Variants in TSGA10IP observed in about 807,000 individuals in gnomAD.
TSGA10IP encodes testis specific 10 interacting protein, also known as testis-specific protein 10-interacting protein.
A neutral mutation model predicts 63.2 loss-of-function variants in TSGA10IP; 64 were observed. That is an observed-to-expected ratio of 1.01 (90% CI 0.83 to 1.25). The LOEUF is 1.25. TSGA10IP is among the 50% of genes most tolerant of loss of function. The pLI is 0.00. For synonymous variants in TSGA10IP, 316 were observed against 298.3 expected, an observed-to-expected ratio of 1.06 and a Z score of -0.61; for missense variants, 681 against 710.1, an observed-to-expected ratio of 0.96 and a Z score of 0.47.
At chr11:65,945,992 G>A in intron 1 of TSGA10IP, 170 bp downstream of exon 1, 1 of 719,870 alleles carries the variant, frequency 1.4e-6, no homozygotes, top group Non-Finnish European at 2.2e-6. Flanking sequence ...GGCCTTGGGA[G>A]AAGCCGAGGG....
rs540775374 is a variant in TSGA10IP, at chr11:65,956,130, T to C, written c.1322+2393T>C. On this transcript the variant is annotated intron_variant, in intron 5 of 7. Transcript: ENST00000532620. ...GTTCTTATCACCTACTCTTTGAGGC[T>C]CAGTCTTTTTTTTTTTTTTTTTTTG... Among the ~76,000 whole-genome samples the C allele has an allele frequency of 6.6e-3, 917 of 138,636 alleles. 4 individuals carry two copies. Among genetic ancestry groups the C allele is most frequent in the African/African-American group, 0.022 (838 of 38,360 alleles). 91.0% of individuals were successfully genotyped at this position (138,636 alleles called of 152,430 possible). A position where few individuals can be genotyped will look rare whatever the true frequency, so the allele number is the denominator to read the frequency against.
At chr11:65,956,308 T>C (rs1855023888) in intron 5 of TSGA10IP, among the ~76,000 whole-genome samples, 1 of 151,842 alleles carries the variant, frequency 6.6e-6, no homozygotes, top group South Asian at 2.1e-4. Flanking sequence ...CGGCTAATTT[T>C]GTATTTTTAG....
rs750232727 is a variant in TSGA10IP, at chr11:65,953,624, G to T, written c.1209G>T (p.Leu403=). ...AGGAGGAGCGGCAGCAGGCCGAGCT[G>T]CGGCGGGCCCGGACACAGCATGTAC... The change falls in exon 5 of 8, where the codon CTG becomes CTT. Residue 403 remains leucine (L), a synonymous_variant. Coordinates refer to ENST00000532620, the Ensembl canonical transcript of TSGA10IP. 3 of 1,587,834 alleles carry T rather than the reference G, an allele frequency of 1.9e-6. No homozygotes were observed. In the East Asian group the frequency reaches 7.1e-5, roughly 38 times the overall value.
chr11:65,947,157 C>T, exon 3 of TSGA10IP: 1 of 1,611,306 alleles, frequency 6.2e-7, no homozygotes. Flanking sequence ...TTCCAGTGGG[C>T]CTGGGAGAGC....
chr11:65,954,782 C>T (rs1854997702), intron 5 of TSGA10IP, among the ~76,000 whole-genome samples: 1 of 149,928 alleles, frequency 6.7e-6, no homozygotes, highest in South Asian at 2.1e-4. Flanking sequence ...TGAGCCACTA[C>T]ACTCCAGCCT....
At chr11:65,959,018 C>A in intron 6 of TSGA10IP, 36 bp downstream of exon 6, 1 of 1,603,696 alleles carries the variant, frequency 6.2e-7, no homozygotes, top group South Asian at 1.1e-5. Flanking sequence ...ATAGCTGCCC[C>A]CTGTGAAGAG....
chr11:65,952,862 G>GT (rs1854963789), intron 4 of TSGA10IP, among the ~76,000 whole-genome samples: 1 of 151,488 alleles, frequency 6.6e-6, no homozygotes, highest in Admixed American at 6.6e-5. Context: ...GCTGTTTGGA[G>GT]TATTTTGTGG....
exon 4 of TSGA10IP, chr11:65,948,003 C>T: frequency 6.4e-7 from 1 of 1,558,978 alleles, no homozygotes; most frequent in Non-Finnish European, 8.7e-7. Flanking sequence ...GTGGGCAGGC[C>T]CCCAAAAGCT....
At chr11:65,959,145 C>G (rs756126008) in intron 6 of TSGA10IP, 45 bp from the exon 7 acceptor site, 2 of 1,590,118 alleles carry the variant, frequency 1.3e-6, no homozygotes, top group Non-Finnish European at 8.6e-7. Flanking sequence ...ACCTTGCCCT[C>G]GGCAGCCCTG....
In TSGA10IP at chr11:65,945,651, C is replaced by T. The variant is rs528218242; in HGVS notation, c.-25C>T. 31 of 1,609,240 alleles carry T rather than the reference C, an allele frequency of 1.9e-5. No homozygotes were observed. In the East Asian group the frequency reaches 2.9e-4, roughly 15 times the overall value. On this transcript the variant is annotated 5_prime_UTR_variant, in exon 1 of 8. It adds an upstream start codon to the 5' untranslated region. Transcript: ENST00000532620. ...AGAGATGGCCTGTTAGGCAGTTCTACGGTGCGGATGGGGGATGGGGCAGGA... is the reference window on the plus strand; with the variant it reads ...AGAGATGGCCTGTTAGGCAGTTCTATGGTGCGGATGGGGGATGGGGCAGGA...
intron 5 of TSGA10IP, among the ~76,000 whole-genome samples, chr11:65,957,335 G>A (rs1397249364): frequency 6.6e-6 from 1 of 152,130 alleles, no homozygotes; most frequent in Non-Finnish European, 1.5e-5. Flanking sequence ...ATTTTTAGTA[G>A]AGACAGGGTT....
chr11:65,951,553 T>TATTA, intron 4 of TSGA10IP, among the ~76,000 whole-genome samples: 5 of 148,810 alleles, frequency 3.4e-5, no homozygotes, highest in Non-Finnish European at 4.5e-5. Flanking sequence ...TTATTATTAT[T>TATTA]TTGAGATGGA....
intron 4 of TSGA10IP, among the ~76,000 whole-genome samples, chr11:65,950,560 A>AT (rs35025045): frequency 0.064 from 9,149 of 141,898 alleles, 837 homozygotes; most frequent in African/African-American, 0.21. Flanking sequence ...TGCCTGGCTA[A>AT]TTTTTTTTTT....
intron 5 of TSGA10IP, among the ~76,000 whole-genome samples, chr11:65,955,896 G>T (rs1855015952): frequency 6.6e-6 from 1 of 152,206 alleles, no homozygotes; most frequent in Admixed American, 6.5e-5. Context: ...TAGACGAAAG[G>T]CACCAGGACC....
At chr11:65,952,250 A>T (rs1854955863) in intron 4 of TSGA10IP, among the ~76,000 whole-genome samples, 1 of 152,122 alleles carries the variant, frequency 6.6e-6, no homozygotes, top group Admixed American at 6.6e-5. Context: ...TGGTTTGCAA[A>T]TATTTTCTCC....
intron 5 of TSGA10IP, among the ~76,000 whole-genome samples, chr11:65,954,228 C>T (rs1047291111): frequency 2.6e-5 from 4 of 151,208 alleles, no homozygotes; most frequent in Admixed American, 2.6e-4. Context: ...TGCAGTGGCG[C>T]GATCTCGGCT....
intron 7 of TSGA10IP, 36 bp downstream of exon 7, chr11:65,959,350 CATG>C: frequency 6.2e-7 from 1 of 1,605,602 alleles, no homozygotes; most frequent in South Asian, 1.1e-5. Context: ...CTGACTCTGC[CATG>C]CTGCTGCGGG....
exon 3 of TSGA10IP, chr11:65,947,744 T>C: frequency 1.9e-6 from 3 of 1,590,764 alleles, no homozygotes; most frequent in South Asian, 1.1e-5. Flanking sequence ...AAGGCGACAA[T>C]GGAGGAAGAC....
rs1255504909 is a variant in TSGA10IP at position 65,953,513 on chromosome 11, G to A, written c.1152-54G>A. The A allele has an allele frequency of 2.2e-5, 33 of 1,490,048 alleles. No individual in the cohort carries two copies. In the South Asian group the frequency reaches 2.7e-4, roughly 12 times the overall value. The allele number at this position is 1,490,048 out of a possible 1,614,324, so 92.3% of individuals were successfully genotyped here. ...TCCCTTATCCAGCCCCTGGCCCTCC[G>A]TGAGGCTCCTGCTGCCCGTGAACCT... is the stretch of plus-strand genomic sequence containing the variant. On this transcript the variant is annotated intron_variant, in intron 4 of 7. Transcript: ENST00000532620.
Sources: allele counts gnomAD v4.1 joint callset (sites outside exome capture counted in the v4.1 genomes callset), GRCh38; gene constraint gnomAD v4.1.1; transcripts MANE v1.5; gene names NCBI Gene and HGNC (gene_info 2026-07-23, HGNC 2026-07-21).